KCNIP4: variants seen among roughly 807,000 people sequenced by gnomAD.
KCNIP4 encodes the protein potassium voltage-gated channel interacting protein 4.
In KCNIP4, 12 loss-of-function variants were observed where a neutral mutation model predicts 34.0. The ratio of observed to expected loss-of-function variants is 0.35; its 90% CI spans 0.23 to 0.57. KCNIP4 has a LOEUF of 0.57. Among genes scored for constraint, KCNIP4 ranks in the 20% least tolerant of loss-of-function variants. KCNIP4 has a pLI of 0.83. For synonymous variants in KCNIP4, 124 were observed against 102.2 expected, an observed-to-expected ratio of 1.21 and a Z score of -1.29; for missense variants, 238 against 311.7, an observed-to-expected ratio of 0.76 and a Z score of 1.78.
intron 1 of KCNIP4, among the ~76,000 whole-genome samples, chr4:21,184,085 C>T (rs75606954): frequency 0.028 from 4,302 of 152,148 alleles, 81 homozygotes; most frequent in Non-Finnish European, 0.046. Flanking sequence ...AGAATAAACT[C>T]CAGAGTCAGC....
intron 1 of KCNIP4, among the ~76,000 whole-genome samples, chr4:21,307,549 G>T (rs192365781): frequency 2.0e-5 from 3 of 152,268 alleles, no homozygotes; most frequent in African/African-American, 7.2e-5. Context: ...ACCCATGAGG[G>T]TAGAGATTTT....
At chr4:21,541,986 A>G (rs1737739526) in intron 1 of KCNIP4, among the ~76,000 whole-genome samples, 1 of 152,210 alleles carries the variant, frequency 6.6e-6, no homozygotes, top group South Asian at 2.1e-4. Flanking sequence ...AACTATAATT[A>G]GTTAATACTG....
chr4:20,795,972 G>A (rs1009263955), intron 3 of KCNIP4, among the ~76,000 whole-genome samples: 17 of 151,994 alleles, frequency 1.1e-4, no homozygotes, highest in South Asian at 2.1e-4. Context: ...ACACACACAC[G>A]TCAATTATAA....
At chr4:21,347,192 G>C (rs114946207) in intron 1 of KCNIP4, among the ~76,000 whole-genome samples, 549 of 152,266 alleles carry the variant, frequency 3.6e-3, no homozygotes, top group African/African-American at 0.013. Context: ...TAATGCTTAG[G>C]AGCCAAACAA....
chr4:20,837,686 A>ATATATATTTT (rs1350419753), intron 3 of KCNIP4, among the ~76,000 whole-genome samples: 29 of 117,396 alleles, frequency 2.5e-4, no homozygotes, highest in African/African-American at 9.7e-4. Flanking sequence ...ATATATATAT[A>ATATATATTTT]TTTTTTTTTC....
intron 1 of KCNIP4, among the ~76,000 whole-genome samples, chr4:21,619,655 T>C (rs988816500): frequency 9.2e-5 from 14 of 152,224 alleles, no homozygotes; most frequent in Non-Finnish European, 1.6e-4. Context: ...CTTTGTTGAT[T>C]GTATTCACCA....
chr4:21,118,461 C>T (rs1370935066), intron 1 of KCNIP4, among the ~76,000 whole-genome samples: 1 of 152,190 alleles, frequency 6.6e-6, no homozygotes, highest in Non-Finnish European at 1.5e-5. Context: ...TGCCAACAAC[C>T]TCCAATCAGG....
At chr4:21,473,541 C>A (rs1226296477) in intron 1 of KCNIP4, among the ~76,000 whole-genome samples, 1 of 151,992 alleles carries the variant, frequency 6.6e-6, no homozygotes, top group African/African-American at 2.4e-5. Flanking sequence ...TTTGGGAGTT[C>A]AGATTTTAGA....
intron 1 of KCNIP4, among the ~76,000 whole-genome samples, chr4:21,386,061 T>A (rs574595244): frequency 6.6e-6 from 1 of 152,284 alleles, no homozygotes; most frequent in Non-Finnish European, 1.5e-5. Flanking sequence ...ATGGGTCGTA[T>A]AAATATGGGG....
At chr4:20,753,828 C>G (rs1172347002) in intron 4 of KCNIP4, among the ~76,000 whole-genome samples, 1 of 152,152 alleles carries the variant, frequency 6.6e-6, no homozygotes, top group African/African-American at 2.4e-5. Context: ...CTACAGAACT[C>G]ATCTGACTCA....
At position 21,060,840 on chromosome 4, in the gene KCNIP4, T is replaced by C. The variant is rs113435325; in HGVS notation, c.62-178131A>G. ...AACACCTGTTTAGACTTTACAAGCA[T>C]GAGCTATCTCCTTCTATTTGTATAT... On this transcript the variant is annotated intron_variant, in intron 1 of 8. Transcript: ENST00000382152. 4.3e-3 allele frequency among the ~76,000 whole-genome samples: 650 copies of C among 152,308 alleles called. 3 individuals carry two copies. Among genetic ancestry groups the C allele is most frequent in the African/African-American group, 0.015 (620 of 41,574 alleles).
chr4:21,871,791 G>A (rs887314363), intron 1 of KCNIP4, among the ~76,000 whole-genome samples: 46 of 18,466 alleles, frequency 2.5e-3, no homozygotes, highest in African/African-American at 7.8e-3. Context: ...CCCACCCCCC[G>A]CCTTACCCCT....
chr4:20,743,849 G>A (rs1751760976), intron 5 of KCNIP4, among the ~76,000 whole-genome samples: 1 of 151,618 alleles, frequency 6.6e-6, no homozygotes, highest in Admixed American at 6.6e-5. Flanking sequence ...CAAAATGGGA[G>A]AAAATTTTCG....
chr4:21,497,286 GCA>G (rs892249680), intron 1 of KCNIP4, among the ~76,000 whole-genome samples: 2 of 152,096 alleles, frequency 1.3e-5, no homozygotes, highest in Non-Finnish European at 2.9e-5. Flanking sequence ...ATAGTGCTTG[GCA>G]CACACTCAGT....
rs367894229 is a variant in KCNIP4, at chr4:21,508,553, G to T, written c.61+440018C>A. ...CTCAGATTTTGCTCAGATTAGCTAC[G>T]TATCTAATTAAATATTCATCTTCCC... On this transcript the variant is annotated intron_variant, in intron 1 of 8. Transcript: ENST00000382152. Among the ~76,000 whole-genome samples the T allele has an allele frequency of 3.6e-4, 55 of 152,288 alleles. 1 individual carries two copies. In the South Asian group the frequency reaches 3.9e-3, roughly 11 times the overall value.
chr4:20,958,810 C>T (rs528119096), intron 1 of KCNIP4, among the ~76,000 whole-genome samples: 11 of 152,286 alleles, frequency 7.2e-5, no homozygotes, highest in Admixed American at 3.3e-4. Context: ...TCAAACAGTG[C>T]CTGGAAGAGG....
rs1041656245 is a variant in KCNIP4, at chr4:21,284,826, G to A, written c.62-402117C>T. ...TAATCCTGCAGAAAATGTAACCGAC[G>A]TGAGCACTTGGGGGTGCCCACTTCT... On this transcript the variant is annotated intron_variant, in intron 1 of 8. Coordinates refer to ENST00000382152, the MANE Select transcript of KCNIP4 (RefSeq NM_025221.6). 2.6e-5 allele frequency among the ~76,000 whole-genome samples: 4 copies of A among 151,918 alleles called. No individual in the cohort carries two copies. In the South Asian group the frequency reaches 6.2e-4, roughly 24 times the overall value.
At chr4:20,819,703 C>T (rs1045626730) in intron 3 of KCNIP4, among the ~76,000 whole-genome samples, 21 of 152,254 alleles carry the variant, frequency 1.4e-4, no homozygotes, top group African/African-American at 4.8e-4. Flanking sequence ...GAGTGCTTCG[C>T]CTCATTAATG....
chr4:21,739,406 A>G (rs1256228166), intron 1 of KCNIP4, among the ~76,000 whole-genome samples: 1 of 152,092 alleles, frequency 6.6e-6, no homozygotes, highest in Non-Finnish European at 1.5e-5. Flanking sequence ...AATTGAATCT[A>G]TGTTTCAAAA....
Sources: gnomAD v4.1 joint callset for allele counts (sites outside exome capture counted in the v4.1 genomes callset) on GRCh38, gnomAD v4.1.1 for gene constraint, MANE v1.5 for transcripts, NCBI Gene and HGNC (gene_info 2026-07-23, HGNC 2026-07-21) for gene names.